The following FLNB variants were observed in gnomAD, a reference collection of about 807,000 sequenced individuals.
FLNB encodes the protein filamin-B.
In FLNB, 111 loss-of-function variants were observed where a neutral mutation model predicts 250.6. The observed-to-expected ratio is 0.44, with a 90% CI of 0.38 to 0.52. The LOEUF is 0.52. Ranked by LOEUF, FLNB falls within the 20% of genes least tolerant of loss-of-function variation. FLNB has a pLI of 0.00. For synonymous variants in FLNB, 1,302 were observed against 1,372.1 expected, an observed-to-expected ratio of 0.95 and a Z score of 1.13; for missense variants, 2,869 against 3,447.8, an observed-to-expected ratio of 0.83 and a Z score of 4.20.
chr3:58,136,569 G>T (rs1372429808), intron 28 of FLNB, among the ~76,000 whole-genome samples: 1 of 152,074 alleles, frequency 6.6e-6, no homozygotes, highest in Non-Finnish European at 1.5e-5. Flanking sequence ...AGCATTTCAG[G>T]TCAGCATTAG....
intron 1 of FLNB, among the ~76,000 whole-genome samples, chr3:58,015,414 C>T (rs371324619): frequency 6.0e-4 from 92 of 152,282 alleles, no homozygotes; most frequent in African/African-American, 2.1e-3. Context: ...TAGCTGTTCC[C>T]TTTCTCCAAG....
At chr3:58,024,448 T>G (rs1407915606) in intron 1 of FLNB, among the ~76,000 whole-genome samples, 1 of 152,136 alleles carries the variant, frequency 6.6e-6, no homozygotes, top group African/African-American at 2.4e-5. Flanking sequence ...CCTTTCTCTC[T>G]TCTCCTTTCC....
intron 10 of FLNB, among the ~76,000 whole-genome samples, chr3:58,104,792 G>C (rs1185244115): frequency 6.6e-6 from 1 of 152,316 alleles, no homozygotes; most frequent in African/African-American, 2.4e-5. Flanking sequence ...GTCTGGGGAG[G>C]CCTGCACACA....
At position 58,118,938 on chromosome 3, in the gene FLNB, G is replaced by C; in HGVS notation, c.2812G>C (p.Val938Leu). 1 of 1,614,130 alleles carries C rather than the reference G, an allele frequency of 6.2e-7. No homozygotes were observed. The highest frequency in any genetic ancestry group is 8.5e-7 in the Non-Finnish European group (1 of 1,180,000). ...PIPKSPFTVG[V>L]AAPLDLSKIK... ...CCCTAAAAGCCCTTTCACTGTGGGT[G>C]TTGCTGCACCGCTGGATCTGAGCAA... Residue 938 changes from valine (V) to leucine (L), a missense_variant, in exon 19 of 46, where the codon GTT becomes CTT. Around this residue, in one of 5 missense-constraint regions of FLNB, gnomAD observed 1,348 missense variants for 1,466.7 expected, o/e 0.92. Coordinates refer to ENST00000295956, the MANE Select transcript of FLNB (RefSeq NM_001457.4).
intron 1 of FLNB, among the ~76,000 whole-genome samples, chr3:58,022,418 G>A (rs1255617935): frequency 6.6e-6 from 1 of 152,168 alleles, no homozygotes; most frequent in East Asian, 1.9e-4. Context: ...AAAGAACTCA[G>A]CAGTTCATGT....
intron 45 of FLNB, among the ~76,000 whole-genome samples, chr3:58,170,224 C>T (rs552742459): frequency 6.6e-6 from 1 of 152,302 alleles, no homozygotes; most frequent in African/African-American, 2.4e-5. Context: ...TCATAGCCAA[C>T]ACTTAGAATA....
At chr3:58,012,857 G>C (rs960812901) in intron 1 of FLNB, among the ~76,000 whole-genome samples, 5 of 152,224 alleles carry the variant, frequency 3.3e-5, no homozygotes, top group African/African-American at 1.2e-4. Context: ...GGAGTCATTA[G>C]AATTGTGTAC....
intron 38 of FLNB, chr3:58,150,486 C>T (rs1168461058): frequency 2.2e-5 from 12 of 535,236 alleles, no homozygotes; most frequent in African/African-American, 9.5e-5. Flanking sequence ...ATGGGGGAAA[C>T]GTAGATATGC....
intron 9 of FLNB, among the ~76,000 whole-genome samples, chr3:58,103,329 CGT>C (rs972769581): frequency 9.9e-5 from 15 of 150,938 alleles, no homozygotes; most frequent in Non-Finnish European, 1.9e-4. Flanking sequence ...TGTGTGCGTA[CGT>C]GTGTGTTTTC....
At chr3:58,133,437 GAAAAAAAAAAAAAAAAAAA>G (rs55916881) in intron 26 of FLNB, among the ~76,000 whole-genome samples, 1 of 67,604 alleles carries the variant, frequency 1.5e-5, no homozygotes, top group Admixed American at 1.5e-4. Flanking sequence ...GACATCTCTG[GAAAAAAAAAAAAAAAAAAA>G]AAAAAAAAAG....
chr3:58,147,930 G>T (rs536131727), intron 34 of FLNB, among the ~76,000 whole-genome samples: 5 of 152,186 alleles, frequency 3.3e-5, no homozygotes, highest in African/African-American at 4.8e-5. Context: ...AAAGTGTTGG[G>T]ATTAGGCACC....
chr3:58,031,426 C>T (rs2577311), intron 1 of FLNB, among the ~76,000 whole-genome samples: 113,503 of 151,320 alleles, frequency 0.75, 43,555 homozygotes, highest in East Asian at 0.95. Context: ...GTATTTTTAG[C>T]AGAGACGGGG....
At chr3:58,016,095 C>T (rs1013979841) in intron 1 of FLNB, among the ~76,000 whole-genome samples, 3 of 151,204 alleles carry the variant, frequency 2.0e-5, no homozygotes, top group Admixed American at 6.6e-5. Flanking sequence ...AATCTTGTTT[C>T]CTAGGCTGGA....
intron 25 of FLNB, chr3:58,132,108 G>A (rs1460343705): frequency 4.7e-6 from 4 of 844,034 alleles, no homozygotes; most frequent in African/African-American, 1.7e-5. Context: ...TGCCTCATCT[G>A]CTTTGCTTAA....
At position 58,123,355 on chromosome 3, in the gene FLNB, C is replaced by T. The variant is rs370774343; in HGVS notation, c.3389C>T (p.Pro1130Leu). ...GSPFKADIEM[P>L]FDPSKVVASG... The stretch of plus-strand genomic sequence containing the variant: ...CCCTTCAAAGCTGACATTGAAATGC[C>T]CTTTGACCCCTCTAAAGTCGTGGCA... Residue 1130 changes from proline to leucine, a missense_variant, in exon 21 of 46, where the codon CCC (proline) becomes CTC (leucine). Coordinates refer to ENST00000295956, the MANE Select transcript of FLNB (RefSeq NM_001457.4). 2 of 1,614,024 alleles carry T rather than the reference C, an allele frequency of 1.2e-6. No homozygotes were observed. Among genetic ancestry groups the T allele is most frequent in the Non-Finnish European group, 1.7e-6 (2 of 1,180,028 alleles).
At chr3:58,035,763 G>A (rs2097137207) in intron 1 of FLNB, among the ~76,000 whole-genome samples, 1 of 152,194 alleles carries the variant, frequency 6.6e-6, no homozygotes, top group Non-Finnish European at 1.5e-5. Flanking sequence ...ATTCCTAGTT[G>A]GACAGAATGC....
At chr3:58,161,257 G>A (rs952978267) in intron 42 of FLNB, among the ~76,000 whole-genome samples, 1 of 152,162 alleles carries the variant, frequency 6.6e-6, no homozygotes, top group South Asian at 2.1e-4. Flanking sequence ...AATGTTCCAC[G>A]TAGCTTAGTG....
At chr3:58,158,240 A>G (rs2097356252) in intron 41 of FLNB, among the ~76,000 whole-genome samples, 1 of 152,236 alleles carries the variant, frequency 6.6e-6, no homozygotes, top group African/African-American at 2.4e-5. Flanking sequence ...AAATGCTTCA[A>G]GTCTATGCTA....
chr3:58,010,938 T>C (rs538209797), intron 1 of FLNB, among the ~76,000 whole-genome samples: 92 of 152,238 alleles, frequency 6.0e-4, no homozygotes, highest in South Asian at 3.1e-3. Flanking sequence ...CGCCTGGAGA[T>C]GGAGCCTTGC....
Sources: gnomAD v4.1 joint callset for allele counts (sites outside exome capture counted in the v4.1 genomes callset) on GRCh38, gnomAD v4.1.1 for gene constraint, gnomAD v4.1.1 regional missense constraint, MANE v1.5 for transcripts, NCBI Gene and HGNC (gene_info 2026-07-23, HGNC 2026-07-21) for gene names.